The following UBE2W variants were observed in gnomAD, a reference collection of about 807,000 sequenced individuals.
UBE2W encodes the protein ubiquitin conjugating enzyme E2 W.
UBE2W carries 18 observed loss-of-function variants against 27.2 expected under a neutral mutation model. That is an observed-to-expected ratio of 0.66 (90% confidence interval 0.46 to 0.98). The LOEUF is 0.98. UBE2W is among the 50% of genes least tolerant of loss of function. UBE2W has a pLI of 0.00. For missense variants in UBE2W, 90 were observed against 180.2 expected, an observed-to-expected ratio of 0.50 and a Z score of 2.87; for synonymous variants, 53 against 57.2, an observed-to-expected ratio of 0.93 and a Z score of 0.33.
intron 1 of UBE2W, among the ~76,000 whole-genome samples, chr8:73,865,575 G>A (rs1390883520): frequency 6.6e-6 from 1 of 152,210 alleles, no homozygotes; most frequent in Non-Finnish European, 1.5e-5. Flanking sequence ...CGGCACTACT[G>A]CATACCCTAG....
At chr8:73,855,209 A>G (rs1396351144) in intron 1 of UBE2W, among the ~76,000 whole-genome samples, 3 of 152,178 alleles carry the variant, frequency 2.0e-5, no homozygotes, top group Non-Finnish European at 4.4e-5. Flanking sequence ...AATACACCAG[A>G]ATAGTGAGAG....
At chr8:73,873,642 T>C (rs562260808) in intron 1 of UBE2W, among the ~76,000 whole-genome samples, 2 of 152,102 alleles carry the variant, frequency 1.3e-5, no homozygotes, top group South Asian at 4.2e-4. Flanking sequence ...GGTGACAGAG[T>C]GAGACCCTGT....
chr8:73,873,744 C>T (rs1423893929), intron 1 of UBE2W, among the ~76,000 whole-genome samples: 2 of 152,202 alleles, frequency 1.3e-5, no homozygotes, highest in African/African-American at 4.8e-5. Context: ...TACTTTATCT[C>T]CTGTTATTAA....
chr8:73,807,045 C>T (rs1476490395), intron 4 of UBE2W, among the ~76,000 whole-genome samples: 1 of 152,038 alleles, frequency 6.6e-6, no homozygotes, highest in Non-Finnish European at 1.5e-5. Context: ...TTGCATACTG[C>T]CTAGACAAAA....
At chr8:73,799,675 C>T (rs1394461163) in intron 5 of UBE2W, among the ~76,000 whole-genome samples, 1 of 152,172 alleles carries the variant, frequency 6.6e-6, no homozygotes, top group African/African-American at 2.4e-5. Flanking sequence ...TCAGGAAGCA[C>T]CACACAGGAG....
chr8:73,842,361 C>T lies in UBE2W; in HGVS notation c.16-11889G>A, dbSNP rs527362167. 4.6e-4 allele frequency among the ~76,000 whole-genome samples: 70 copies of T among 151,334 alleles called. 1 individual carries two copies. The highest frequency in any genetic ancestry group is 1.4e-3 in the African/African-American group (58 of 41,222). The stretch of plus-strand genomic sequence containing the variant: ...GGCTTAACATGGTGAAACCCTGTCT[C>T]GACTAAAAATACAAAAAATGAGCCG... On this transcript the variant is annotated intron_variant, in intron 1 of 5. Transcript: ENST00000602593.
In UBE2W at chr8:73,793,616, A is replaced by C; in HGVS notation, c.*486T>G. 1.0e-6 allele frequency: 1 copy of C among 986,390 alleles called. No individual in the cohort carries two copies. Among genetic ancestry groups the C allele is most frequent in the Non-Finnish European group, 1.2e-6 (1 of 830,348 alleles). 61.1% of individuals were successfully genotyped at this position (986,390 alleles called of 1,614,324 possible). On this transcript the variant is annotated 3_prime_UTR_variant, in exon 6 of 6. Coordinates refer to ENST00000602593, the MANE Select transcript of UBE2W (RefSeq NM_018299.6). ...AATATAAACAGTTGGGGTGACTTTTAAAGTAATGTTGGATCCCTCACTTTA... is the reference window on the plus strand; with the variant it reads ...AATATAAACAGTTGGGGTGACTTTTCAAGTAATGTTGGATCCCTCACTTTA...
At position 73,790,647 on chromosome 8, in the gene UBE2W, G is replaced by GT. The variant is rs1808152074; in HGVS notation, c.*3454dup. Reference sequence around the variant, plus strand: ...GAATTCTTTATTTAAAAAAATTTTTGTAACACACAGTACCTCCTCTTCTCT... The same window carrying GT: ...GAATTCTTTATTTAAAAAAATTTTTGTTAACACACAGTACCTCCTCTTCTCT... On this transcript the variant is annotated 3_prime_UTR_variant, in exon 6 of 6. Coordinates refer to ENST00000602593, the MANE Select transcript of UBE2W (RefSeq NM_018299.6). 7.1e-6 allele frequency: 7 copies of GT among 984,000 alleles called. No homozygotes were observed. The highest frequency in any genetic ancestry group is 8.4e-6 in the Non-Finnish European group (7 of 828,708). 61.0% of individuals were successfully genotyped at this position (984,000 alleles called of 1,614,324 possible). A position where few individuals can be genotyped will look rare whatever the true frequency, so the allele number is the denominator to read the frequency against.
chr8:73,873,563 G>A (rs1812095225), intron 1 of UBE2W, among the ~76,000 whole-genome samples: 1 of 152,136 alleles, frequency 6.6e-6, no homozygotes, highest in South Asian at 2.1e-4. Context: ...GTCTGAAGTG[G>A]GAGGATCACC....
intron 1 of UBE2W, among the ~76,000 whole-genome samples, chr8:73,872,088 C>T (rs1219260492): frequency 1.3e-5 from 2 of 152,140 alleles, no homozygotes; most frequent in Admixed American, 1.3e-4. Flanking sequence ...GATCATCCCA[C>T]CTTAAAAACT....
intron 1 of UBE2W, among the ~76,000 whole-genome samples, chr8:73,837,720 G>A (rs142182583): frequency 0.015 from 2,211 of 152,250 alleles, 24 homozygotes; most frequent in Non-Finnish European, 0.023. Context: ...GATTACAGGC[G>A]CAAGCCATTG....
intron 1 of UBE2W, among the ~76,000 whole-genome samples, chr8:73,848,887 G>A (rs895021789): frequency 5.3e-5 from 8 of 152,070 alleles, no homozygotes; most frequent in Non-Finnish European, 7.4e-5. Flanking sequence ...CCTGTTTGTT[G>A]TATTTCAGTA....
At position 73,790,908 on chromosome 8, in the gene UBE2W, A is replaced by C; in HGVS notation, c.*3194T>G. ...TGAAGAAATTATTATCCACCACAGG[A>C]ATCTAATGATATATATATTTGCATA... On this transcript the variant is annotated 3_prime_UTR_variant, in exon 6 of 6. Transcript: ENST00000602593. The C allele has an allele frequency of 2.2e-5, 22 of 983,724 alleles. No homozygotes were observed. The highest frequency in any genetic ancestry group is 2.7e-5 in the Non-Finnish European group (22 of 828,412). 60.9% of individuals were successfully genotyped at this position (983,724 alleles called of 1,614,324 possible). A position where few individuals can be genotyped will look rare whatever the true frequency, so the allele number is the denominator to read the frequency against.
At chr8:73,805,872 T>C (rs1048513316) in intron 4 of UBE2W, 146 bp from the exon 5 acceptor site, 18 of 470,688 alleles carry the variant, frequency 3.8e-5, no homozygotes, top group Non-Finnish European at 6.1e-5. Context: ...AAACTATAAA[T>C]GTATTCCAGG....
At position 73,840,467 on chromosome 8, in the gene UBE2W, T is replaced by C. The variant is rs1442704317; in HGVS notation, c.16-9995A>G. 3.9e-5 allele frequency among the ~76,000 whole-genome samples: 6 copies of C among 152,212 alleles called. No homozygotes were observed. In the South Asian group the frequency reaches 1.2e-3, roughly 32 times the overall value. On this transcript the variant is annotated intron_variant, in intron 1 of 5. Coordinates refer to ENST00000602593, the MANE Select transcript of UBE2W (RefSeq NM_018299.6). ...AAAGCACAAAAAATTCAAATGATAC[T>C]CTTGTGGTTATGAATCAAAACTGGA...
intron 3 of UBE2W, among the ~76,000 whole-genome samples, chr8:73,816,074 T>G (rs1165868713): frequency 1.3e-5 from 2 of 152,226 alleles, no homozygotes; most frequent in Non-Finnish European, 2.9e-5. Flanking sequence ...TTCTCCCTTT[T>G]TAGTCCTCTC....
intron 5 of UBE2W, chr8:73,795,808 A>G (rs1808386351): frequency 1.0e-6 from 1 of 984,596 alleles, no homozygotes; most frequent in Non-Finnish European, 1.2e-6. Flanking sequence ...TTGGCAATGC[A>G]AAGTGGCTCA....
rs770805675 is a variant in UBE2W, at chr8:73,790,910, T to A, written c.*3192A>T. On this transcript the variant is annotated 3_prime_UTR_variant, in exon 6 of 6. Coordinates refer to ENST00000602593, the MANE Select transcript of UBE2W (RefSeq NM_018299.6). ...AAGAAATTATTATCCACCACAGGAA[T>A]CTAATGATATATATATTTGCATATA... is the stretch of plus-strand genomic sequence containing the variant. 16 of 983,250 alleles carry A rather than the reference T, an allele frequency of 1.6e-5. No individual in the cohort carries two copies. The highest frequency in any genetic ancestry group is 5.2e-5 in the African/African-American group (3 of 57,182). The allele number at this position is 983,250 out of a possible 1,614,324, so 60.9% of individuals were successfully genotyped here. A position where few individuals can be genotyped will look rare whatever the true frequency, so the allele number is the denominator to read the frequency against.
At chr8:73,802,012 G>T (rs760871211) in intron 5 of UBE2W, among the ~76,000 whole-genome samples, 7 of 152,172 alleles carry the variant, frequency 4.6e-5, no homozygotes, top group Non-Finnish European at 1.0e-4. Flanking sequence ...ACATGTAGAG[G>T]TAACAGATGG....
Sources: gnomAD v4.1 joint callset for allele counts (sites outside exome capture counted in the v4.1 genomes callset) on GRCh38, gnomAD v4.1.1 for gene constraint, MANE v1.5 for transcripts, NCBI Gene and HGNC (gene_info 2026-07-23, HGNC 2026-07-21) for gene names.